JADE1: variants seen among roughly 807,000 people sequenced by gnomAD.
JADE1 encodes the protein jade family PHD finger 1.
Under a neutral mutation model 81.8 loss-of-function variants are expected in JADE1, and 14 were observed. The observed-to-expected ratio is 0.17, with a 90% confidence interval of 0.11 to 0.27. The LOEUF (loss-of-function observed/expected upper bound fraction) is 0.27, where lower values mean the gene tolerates loss of function less well. JADE1 is among the 10% of genes least tolerant of loss of function. The pLI, the probability that JADE1 is intolerant of heterozygous loss-of-function variation, is 1.00. For missense variants in JADE1, 690 were observed against 1,047.9 expected, an observed-to-expected ratio of 0.66 and a Z score of 4.71; for synonymous variants, 353 against 391.9, an observed-to-expected ratio of 0.90 and a Z score of 1.17.
chr4:128,856,907 A>G (rs1730839615), intron 7 of JADE1, among the ~76,000 whole-genome samples: 1 of 152,208 alleles, frequency 6.6e-6, no homozygotes, highest in African/African-American at 2.4e-5. Flanking sequence ...TTTCAGACTG[A>G]AGAAAATGGT....
At chr4:128,823,687 C>A (rs1042773006) in intron 1 of JADE1, among the ~76,000 whole-genome samples, 1 of 152,116 alleles carries the variant, frequency 6.6e-6, no homozygotes, top group Non-Finnish European at 1.5e-5. Context: ...AAAACATTAA[C>A]GCTTAAGAGT....
intron 3 of JADE1, among the ~76,000 whole-genome samples, chr4:128,844,601 G>C (rs1414156114): frequency 6.6e-6 from 1 of 152,068 alleles, no homozygotes; most frequent in Non-Finnish European, 1.5e-5. Flanking sequence ...ATTGGCTCTT[G>C]AAGGTATAGG....
chr4:128,812,021 C>T (rs546954560), intron 1 of JADE1: 31 of 152,196 alleles, frequency 2.0e-4, no homozygotes, highest in Admixed American at 1.8e-3. Context: ...CGGCCGTTTC[C>T]AGCGGCGCAA....
intron 6 of JADE1, among the ~76,000 whole-genome samples, chr4:128,854,077 T>G (rs1184209995): frequency 2.0e-5 from 3 of 152,198 alleles, no homozygotes; most frequent in African/African-American, 7.2e-5. Context: ...TGTCTTTACT[T>G]GCTATTTTTT....
intron 8 of JADE1, among the ~76,000 whole-genome samples, chr4:128,858,082 C>T (rs1365386346): frequency 2.0e-5 from 3 of 151,934 alleles, no homozygotes; most frequent in Non-Finnish European, 2.9e-5. Flanking sequence ...GCACCAGGCG[C>T]GCATGCACGT....
intron 1 of JADE1, among the ~76,000 whole-genome samples, chr4:128,810,946 G>A (rs1031842919): frequency 7.2e-5 from 11 of 152,158 alleles, no homozygotes; most frequent in Non-Finnish European, 1.5e-4. Flanking sequence ...GGCACCATCT[G>A]CAAATTGTGG....
chr4:128,825,645 T>C (rs142906146), intron 1 of JADE1, among the ~76,000 whole-genome samples: 21 of 152,366 alleles, frequency 1.4e-4, no homozygotes, highest in African/African-American at 4.8e-4. Flanking sequence ...CTTGTCTAGT[T>C]ATTTGATGTT....
intron 2 of JADE1, among the ~76,000 whole-genome samples, chr4:128,834,981 AT>A (rs778127974): frequency 0.011 from 1,666 of 150,420 alleles, 22 homozygotes; most frequent in African/African-American, 0.038. Flanking sequence ...ACCCATCTCT[AT>A]TTTAAAAAAA....
chr4:128,871,779 C>T lies in JADE1; in HGVS notation c.2046C>T (p.His682=). Residue 682 remains histidine, a synonymous_variant, in exon 11 of 11, where the codon CAC becomes CAT. Transcript: ENST00000226319. The surrounding 1 kb of genome is among the most constrained non-coding windows in gnomAD (Gnocchi z 4.1). ...AGGACAAATCTTTTAAACAGAGTCA[C>T]AAGCCTCTCAGGTCCACAGATGTGT... ...DLKDKSFKQS[H]KPLRSTDVSQ... 6.2e-7 allele frequency: 1 copy of T among 1,614,154 alleles called. No homozygotes were observed. The highest frequency in any genetic ancestry group is 8.5e-7 in the Non-Finnish European group (1 of 1,180,028).
chr4:128,863,127 T>C, intron 9 of JADE1: 1 of 985,614 alleles, frequency 1.0e-6, no homozygotes, highest in Non-Finnish European at 1.2e-6. Context: ...GTTTGCTGCT[T>C]TTGTGCCTCC....
At chr4:128,840,131 G>A (rs763281420) in intron 2 of JADE1, among the ~76,000 whole-genome samples, 16 of 152,108 alleles carry the variant, frequency 1.1e-4, no homozygotes, top group Non-Finnish European at 1.9e-4. Context: ...CAATTTTCAG[G>A]ATTTATGAAA....
intron 6 of JADE1, among the ~76,000 whole-genome samples, chr4:128,852,689 A>T (rs1730454092): frequency 6.6e-6 from 1 of 152,172 alleles, no homozygotes; most frequent in African/African-American, 2.4e-5. Flanking sequence ...ATTACTACAG[A>T]CTGTGTGTGC....
At chr4:128,824,991 CAGGAAT>C (rs1157968495) in intron 1 of JADE1, among the ~76,000 whole-genome samples, 1 of 152,072 alleles carries the variant, frequency 6.6e-6, no homozygotes, top group East Asian at 1.9e-4. Context: ...CCTTGTTTCC[CAGGAAT>C]AGCATTGAAT....
rs1412996710 is a variant in JADE1 at position 128,852,114 on chromosome 4, G to A, written c.542G>A (p.Arg181Gln). Reference protein sequence around the residue: ...MERVLEEFEQRCYDNMNHAIE... With the variant: ...MERVLEEFEQQCYDNMNHAIE... ...AGGGTCCTAGAGGAATTTGAGCAGC[G>A]ATGCTACGACAATATGAATCATGCC... Residue 181 changes from arginine (R) to glutamine (Q), a missense_variant, in exon 6 of 11, where the codon CGA becomes CAA. Transcript: ENST00000226319. 1.2e-6 allele frequency: 2 copies of A among 1,614,030 alleles called. No individual in the cohort carries two copies. Among genetic ancestry groups the A allele is most frequent in the African/African-American group, 1.3e-5 (1 of 74,914 alleles).
intron 9 of JADE1, chr4:128,864,661 G>A (rs1231541116): frequency 3.2e-6 from 3 of 941,126 alleles, no homozygotes; most frequent in Non-Finnish European, 3.8e-6. Context: ...TTAGTTTTCT[G>A]TTTAATTCAC....
At chr4:128,869,260 T>A (rs902034198) in intron 10 of JADE1, among the ~76,000 whole-genome samples, 2 of 152,118 alleles carry the variant, frequency 1.3e-5, no homozygotes, top group Non-Finnish European at 2.9e-5. Context: ...GTTTAATTGT[T>A]AAGATTTTAA....
At chr4:128,838,523 A>G (rs879434014) in intron 2 of JADE1, among the ~76,000 whole-genome samples, 3 of 152,236 alleles carry the variant, frequency 2.0e-5, no homozygotes, top group Non-Finnish European at 2.9e-5. Context: ...CTCTGGAAAC[A>G]AACAAAATGC....
intron 1 of JADE1, among the ~76,000 whole-genome samples, chr4:128,814,877 T>A (rs1179418223): frequency 2.0e-5 from 3 of 151,894 alleles, no homozygotes; most frequent in Non-Finnish European, 2.9e-5. Flanking sequence ...GGACCTTTTT[T>A]TTTTCTGTCA....
chr4:128,851,939 A>G (rs888644202), intron 5 of JADE1, 118 bp from the exon 6 acceptor site: 3 of 721,196 alleles, frequency 4.2e-6, no homozygotes, highest in Non-Finnish European at 6.8e-6. Flanking sequence ...GGATTTATTT[A>G]TTGTACAATT....
Sources: allele counts gnomAD v4.1 joint callset (sites outside exome capture counted in the v4.1 genomes callset), GRCh38; gene constraint gnomAD v4.1.1; non-coding constraint Gnocchi (gnomAD v3.1); transcripts MANE v1.5; gene names NCBI Gene and HGNC (gene_info 2026-07-23, HGNC 2026-07-21).